Variants in C2CD5 observed in about 807,000 individuals in gnomAD.
C2CD5 encodes the protein C2 calcium dependent domain containing 5.
In C2CD5, 109 loss-of-function variants were observed where a neutral mutation model predicts 130.3. The ratio of observed to expected loss-of-function variants is 0.84; its 90% CI spans 0.72 to 0.98. The LOEUF is 0.98. Among genes scored for constraint, C2CD5 ranks in the 50% least tolerant of loss-of-function variants. C2CD5 has a pLI of 0.00. For missense variants in C2CD5, 996 were observed against 1,261.8 expected (o/e 0.79, Z 3.19); for synonymous variants, 454 against 429.2 (o/e 1.06, Z -0.71).
At chr12:22,505,968 G>A (rs549039109) in intron 10 of C2CD5, among the ~76,000 whole-genome samples, 1 of 152,068 alleles carries the variant, frequency 6.6e-6, no homozygotes, top group Non-Finnish European at 1.5e-5. Context: ...GCACAGTGCT[G>A]GGATCTGGGT....
chr12:22,493,495 T>C lies in C2CD5; in HGVS notation c.1148-158A>G, dbSNP rs114935030. ...TTAAAATGCTACTTCTCAAAAGGCATAAGATTTAACCTTTTAAACTCAATT... is the reference window on the plus strand; with the variant it reads ...TTAAAATGCTACTTCTCAAAAGGCACAAGATTTAACCTTTTAAACTCAATT... On this transcript the variant is annotated intron_variant, in intron 10 of 26. Transcript: ENST00000446597. Among the ~76,000 whole-genome samples the C allele has an allele frequency of 3.8e-3, 572 of 152,262 alleles. 3 individuals are homozygous for C. Among genetic ancestry groups the C allele is most frequent in the African/African-American group, 0.013 (540 of 41,580 alleles).
At chr12:22,496,604 T>C (rs917557940) in intron 10 of C2CD5, among the ~76,000 whole-genome samples, 1 of 151,026 alleles carries the variant, frequency 6.6e-6, no homozygotes, top group Non-Finnish European at 1.5e-5. Flanking sequence ...TACAGAATTA[T>C]TTACAATTAT....
intron 9 of C2CD5, among the ~76,000 whole-genome samples, chr12:22,511,173 G>GAAAA (rs145915898): frequency 1.4e-5 from 1 of 69,118 alleles, no homozygotes; most frequent in South Asian, 4.7e-4. Context: ...CTTTCCTCAA[G>GAAAA]AAAAAAAAAA....
intron 3 of C2CD5, among the ~76,000 whole-genome samples, chr12:22,529,110 C>T (rs1950983738): frequency 6.6e-6 from 1 of 152,032 alleles, no homozygotes; most frequent in African/African-American, 2.4e-5. Flanking sequence ...AAAGGCAAAA[C>T]AAGAACAGTA....
chr12:22,517,982 T>C lies in C2CD5; in HGVS notation c.952+4A>G, dbSNP rs987842630. The C allele has an allele frequency of 6.2e-7, 1 of 1,609,294 alleles. No homozygotes were observed. The highest frequency in any genetic ancestry group is 8.5e-7 in the Non-Finnish European group (1 of 1,177,642). On this transcript the variant is annotated splice_donor_region_variant and intron_variant, in intron 8 of 26. Transcript: ENST00000446597. ...AAAATAAAAGGTGGGTGGAAGCGCC[T>C]TACCAGTTTTGGGTGTCAAACTCAA...
chr12:22,471,547 A>AT, intron 19 of C2CD5, 59 bp from the exon 20 acceptor site: 8 of 949,982 alleles, frequency 8.4e-6, no homozygotes, highest in Admixed American at 2.3e-5. Context: ...TTAAAAGCTG[A>AT]TTTTTTTAAT....
At chr12:22,488,679 T>C (rs1167710032) in intron 12 of C2CD5, among the ~76,000 whole-genome samples, 4 of 152,242 alleles carry the variant, frequency 2.6e-5, no homozygotes, top group Admixed American at 2.6e-4. Context: ...TTATTTACTG[T>C]GCTTCAAAAT....
chr12:22,540,618 G>A (rs955536811), intron 2 of C2CD5, among the ~76,000 whole-genome samples: 1 of 152,158 alleles, frequency 6.6e-6, no homozygotes, highest in East Asian at 1.9e-4. Flanking sequence ...CAGCACTTTG[G>A]GAGACCAAGG....
chr12:22,540,691 G>T (rs1046054953), intron 2 of C2CD5, among the ~76,000 whole-genome samples: 1 of 152,010 alleles, frequency 6.6e-6, no homozygotes, highest in East Asian at 1.9e-4. Context: ...AAACCCCGTC[G>T]CTACTAAAAA....
rs772213182 is a variant in C2CD5 at position 22,523,455 on chromosome 12, T to A, written c.771A>T (p.Ala257=). The A allele has an allele frequency of 1.2e-6, 2 of 1,613,834 alleles. No homozygotes were observed. Among genetic ancestry groups the A allele is most frequent in the African/African-American group, 2.7e-5 (2 of 74,902 alleles). Residue 257 remains alanine, a synonymous_variant, in exon 7 of 27, where the codon GCA becomes GCT. Transcript: ENST00000446597. ...TCATTTCTTTGGATGGGGAATTACA[T>A]GCAGGAAGGAATGCTGCTGGGCTAC... ...KLSSPAAFLP[A]CNSPSKEMKE...
At chr12:22,461,186 T>C (rs990624123) in intron 22 of C2CD5, among the ~76,000 whole-genome samples, 1 of 152,188 alleles carries the variant, frequency 6.6e-6, no homozygotes, top group African/African-American at 2.4e-5. Context: ...ATGGAGAGAC[T>C]GGGACACCAA....
chr12:22,507,989 C>T (rs543410432), intron 9 of C2CD5, among the ~76,000 whole-genome samples: 2 of 151,936 alleles, frequency 1.3e-5, no homozygotes, highest in South Asian at 4.2e-4. Flanking sequence ...AGATTAAATG[C>T]AACAAATAAA....
At chr12:22,528,166 T>C (rs1303987494) in intron 3 of C2CD5, among the ~76,000 whole-genome samples, 2 of 152,156 alleles carry the variant, frequency 1.3e-5, no homozygotes, top group African/African-American at 2.4e-5. Flanking sequence ...TTTTTACATA[T>C]TATCCTGTGT....
At chr12:22,506,501 A>C (rs1275298488) in intron 10 of C2CD5, among the ~76,000 whole-genome samples, 1 of 152,226 alleles carries the variant, frequency 6.6e-6, no homozygotes, top group Non-Finnish European at 1.5e-5. Flanking sequence ...GACCAAAAAT[A>C]AATCAATTGG....
rs777040717 is a variant in C2CD5 at position 22,470,871 on chromosome 12, T to A, written c.2399A>T (p.Gln800Leu). Reference sequence around the variant, plus strand: ...AGGGGTTTTTGTGGTTTGTAAAGCCTGATTTTTGTCAAAAGTGATTGCGAC... The same window carrying A: ...AGGGGTTTTTGTGGTTTGTAAAGCCAGATTTTTGTCAAAAGTGATTGCGAC... ...TAVAITFDKN[Q>L]ALQTTKTPVE... Residue 800 changes from glutamine (Q) to leucine (L), a missense_variant, in exon 21 of 27, where the codon CAG becomes CTG. Coordinates refer to ENST00000446597, the MANE Select transcript of C2CD5 (RefSeq NM_001286176.2). 5.6e-6 allele frequency: 9 copies of A among 1,612,606 alleles called. No individual in the cohort carries two copies. Among genetic ancestry groups the A allele is most frequent in the Non-Finnish European group, 7.6e-6 (9 of 1,178,970 alleles).
At chr12:22,497,502 G>T in intron 10 of C2CD5, 1 of 282,202 alleles carries the variant, frequency 3.5e-6, no homozygotes, top group Non-Finnish European at 5.3e-6. Flanking sequence ...AAAATGTTAG[G>T]TTGGATCAAA....
At chr12:22,540,306 C>A (rs1277896397) in intron 2 of C2CD5, among the ~76,000 whole-genome samples, 1 of 152,144 alleles carries the variant, frequency 6.6e-6, no homozygotes, top group African/African-American at 2.4e-5. Context: ...ATATATTATT[C>A]TTAAGTAATT....
At chr12:22,453,716 G>C (rs1939201534) in intron 26 of C2CD5, among the ~76,000 whole-genome samples, 180 bp downstream of exon 26, 1 of 152,158 alleles carries the variant, frequency 6.6e-6, no homozygotes, top group African/African-American at 2.4e-5. Context: ...TGTCGAAATA[G>C]CATGTATTGA....
intron 3 of C2CD5, among the ~76,000 whole-genome samples, chr12:22,528,963 T>C (rs1407769443): frequency 6.6e-6 from 1 of 152,224 alleles, no homozygotes; most frequent in East Asian, 1.9e-4. Context: ...GATAATGTGA[T>C]CTAAGGTTTT....
Sources: allele counts gnomAD v4.1 joint callset (sites outside exome capture counted in the v4.1 genomes callset), GRCh38; gene constraint gnomAD v4.1.1; transcripts MANE v1.5; gene names NCBI Gene and HGNC (gene_info 2026-07-23, HGNC 2026-07-21).